FCRL2: variants seen among roughly 807,000 people sequenced by gnomAD.
The protein encoded by FCRL2 is Fc receptor-like protein 2.
A neutral mutation model predicts 59.8 loss-of-function variants in FCRL2; 48 were observed. The observed-to-expected ratio is 0.80, with a 90% CI of 0.64 to 1.02. The LOEUF is 1.02. Ranked by LOEUF, FCRL2 falls within the 50% of genes least tolerant of loss-of-function variation. The pLI, the probability that FCRL2 is intolerant of heterozygous loss-of-function variation, is 0.00. For synonymous variants in FCRL2, 251 were observed against 229.5 expected, an observed-to-expected ratio of 1.09 and a Z score of -0.85; for missense variants, 658 against 597.3, an observed-to-expected ratio of 1.10 and a Z score of -1.06.
At chr1:157,749,441 A>C (rs777724460) in intron 8 of FCRL2, among the ~76,000 whole-genome samples, 5 of 152,218 alleles carry the variant, frequency 3.3e-5, no homozygotes, top group East Asian at 3.8e-4. Context: ...AATCCTATAC[A>C]AGATAACACC....
Position 157,775,951 on chromosome 1 carries a change from C to T in FCRL2, c.32-156G>A, listed in dbSNP as rs757426871. 5.3e-5 allele frequency among the ~76,000 whole-genome samples: 8 copies of T among 152,176 alleles called. No individual in the cohort carries two copies. The South Asian group carries it at 8.3e-4, about 16-fold the overall frequency. On this transcript the variant is annotated intron_variant, in intron 1 of 11. Coordinates refer to ENST00000361516, the MANE Select transcript of FCRL2 (RefSeq NM_030764.4). The stretch of plus-strand genomic sequence containing the variant: ...TTATTACTAACAATTCAATCTCCCT[C>T]GAGCACACATCTAACTGTCATTCAT...
chr1:157,773,493 G>A (rs1436343828), intron 2 of FCRL2, among the ~76,000 whole-genome samples: 1 of 152,174 alleles, frequency 6.6e-6, no homozygotes, highest in African/African-American at 2.4e-5. Flanking sequence ...ATAAATGAAG[G>A]TGACTTGAAG....
At position 157,768,524 on chromosome 1, in the gene FCRL2, G is replaced by C; in HGVS notation, c.773C>G (p.Ala258Gly). The change falls in exon 5 of 12, where the codon GCA (alanine) becomes GGA (glycine). Residue 258 changes from alanine (A) to glycine (G), a missense_variant. Coordinates refer to ENST00000361516, the MANE Select transcript of FCRL2 (RefSeq NM_030764.4). ...TTTCACAGCTGGGATCTCCAGCTCT[G>C]CTGACAGGGAACGCTGGGTTTTCTT... ...MGKKTQRSLSAELEIPAVKES... is the reference protein window; with the variant it reads ...MGKKTQRSLSGELEIPAVKES... The C allele has an allele frequency of 6.2e-7, 1 of 1,614,208 alleles. No individual in the cohort carries two copies. Among genetic ancestry groups the C allele is most frequent in the African/African-American group, 1.3e-5 (1 of 75,052 alleles).
At position 157,767,597 on chromosome 1, in the gene FCRL2, T is replaced by C. The variant is rs867351197; in HGVS notation, c.884-88A>G. 10 of 1,614,122 alleles carry C rather than the reference T, an allele frequency of 6.2e-6. No homozygotes were observed. The African/African-American group carries it at 9.3e-5, about 15-fold the overall frequency. On this transcript the variant is annotated intron_variant, in intron 5 of 11. Transcript: ENST00000361516. ...CAACCTGCAGGCTCAGCAAAGGGCCTGGCCCCATGGCTGTTGCATATTTTC... is the reference window on the plus strand; with the variant it reads ...CAACCTGCAGGCTCAGCAAAGGGCCCGGCCCCATGGCTGTTGCATATTTTC...
chr1:157,771,101 A>G (rs1649986660), intron 2 of FCRL2, among the ~76,000 whole-genome samples: 1 of 151,934 alleles, frequency 6.6e-6, no homozygotes, highest in East Asian at 1.9e-4. Context: ...TGACCTTATT[A>G]CCTCCCAAAG....
intron 7 of FCRL2, among the ~76,000 whole-genome samples, chr1:157,751,876 G>A (rs1648215362): frequency 6.6e-6 from 1 of 151,442 alleles, no homozygotes; most frequent in Non-Finnish European, 1.5e-5. Context: ...CCCCAAAATA[G>A]GAGCTGATTT....
At chr1:157,770,337 C>G in intron 3 of FCRL2, 72 bp downstream of exon 3, 1 of 1,548,266 alleles carries the variant, frequency 6.5e-7, no homozygotes, top group Non-Finnish European at 8.8e-7. Flanking sequence ...CAGCTTTCCC[C>G]TACCCAGTAC....
At position 157,768,415 on chromosome 1, in the gene FCRL2, T is replaced by C; in HGVS notation, c.882A>G (p.Arg294=). 1 of 1,612,866 alleles carries C rather than the reference T, an allele frequency of 6.2e-7. No homozygotes were observed. The highest frequency in any genetic ancestry group is 1.1e-5 in the South Asian group (1 of 90,984). The change falls in exon 5 of 12, where the codon AGA becomes AGG. Residue 294 remains arginine, a splice_region_variant and synonymous_variant. Transcript: ENST00000361516. The stretch of plus-strand genomic sequence containing the variant: ...GATATGAATGAGAGTGTCACTCACT[T>C]CTCACAGGGATATTCACCACCTTGC... ...IQSKVVNIPV[R]IPVSRPVLTL...
rs777459755 is a variant in FCRL2, at chr1:157,748,628, G to C, written c.1394-10C>G. On this transcript the variant is annotated splice_polypyrimidine_tract_variant and intron_variant, in intron 9 of 11. Coordinates refer to ENST00000361516, the MANE Select transcript of FCRL2 (RefSeq NM_030764.4). ...ACATCTACAGAGCCCACTGCAGGGAGAAGACAAGAGTTCACAGATGTTGGT... is the reference window on the plus strand; with the variant it reads ...ACATCTACAGAGCCCACTGCAGGGACAAGACAAGAGTTCACAGATGTTGGT... 2 of 1,613,024 alleles carry C rather than the reference G, an allele frequency of 1.2e-6. No homozygotes were observed. Among genetic ancestry groups the C allele is most frequent in the Non-Finnish European group, 8.5e-7 (1 of 1,179,128 alleles).
At chr1:157,765,069 T>C (rs1229026594) in intron 7 of FCRL2, among the ~76,000 whole-genome samples, 1 of 152,122 alleles carries the variant, frequency 6.6e-6, no homozygotes, top group Non-Finnish European at 1.5e-5. Context: ...GATAAACTGC[T>C]AGCTAGACTA....
chr1:157,759,672 G>A (rs1374736234), intron 7 of FCRL2, among the ~76,000 whole-genome samples: 1 of 152,162 alleles, frequency 6.6e-6, no homozygotes, highest in African/African-American at 2.4e-5. Flanking sequence ...AGACATATAT[G>A]CAGCCAAAAA....
chr1:157,759,638 C>A (rs1014343025), intron 7 of FCRL2, among the ~76,000 whole-genome samples: 1 of 152,116 alleles, frequency 6.6e-6, no homozygotes, highest in Admixed American at 6.5e-5. Context: ...GGGCAAAGGA[C>A]ATGAACAGAC....
chr1:157,746,991 CT>C, intron 10 of FCRL2, 92 bp from the exon 11 acceptor site: 2 of 1,329,216 alleles, frequency 1.5e-6, no homozygotes, highest in Non-Finnish European at 2.1e-6. Flanking sequence ...AACTACTATG[CT>C]TAGTATGTGG....
At chr1:157,766,200 T>G (rs1490594159) in intron 7 of FCRL2, among the ~76,000 whole-genome samples, 1 of 152,194 alleles carries the variant, frequency 6.6e-6, no homozygotes, top group African/African-American at 2.4e-5. Context: ...GGCCAGGCGC[T>G]GTGGCTCACG....
intron 10 of FCRL2, among the ~76,000 whole-genome samples, chr1:157,747,239 A>G (rs751632319): frequency 7.9e-5 from 12 of 152,180 alleles, no homozygotes; most frequent in Non-Finnish European, 8.8e-5. Flanking sequence ...GAGATAACCA[A>G]TCATGTGTGG....
intron 2 of FCRL2, among the ~76,000 whole-genome samples, chr1:157,775,117 G>C (rs1650305400): frequency 6.6e-6 from 1 of 152,132 alleles, no homozygotes; most frequent in Non-Finnish European, 1.5e-5. Context: ...GCACGGGTTG[G>C]CAAATTATGG....
At chr1:157,776,026 C>T (rs938027791) in intron 1 of FCRL2, among the ~76,000 whole-genome samples, 3 of 152,082 alleles carry the variant, frequency 2.0e-5, no homozygotes, top group East Asian at 1.9e-4. Context: ...AAGGGATTGT[C>T]GAGAATACCC....
intron 2 of FCRL2, 69 bp from the exon 3 acceptor site, chr1:157,770,735 G>A: frequency 6.4e-7 from 1 of 1,558,050 alleles, no homozygotes; most frequent in Non-Finnish European, 8.8e-7. Flanking sequence ...CATTGGCAGT[G>A]AGGTGGTCTC....
chr1:157,758,218 A>G (rs1377740109), intron 7 of FCRL2, among the ~76,000 whole-genome samples: 1 of 152,206 alleles, frequency 6.6e-6, no homozygotes, highest in East Asian at 1.9e-4. Flanking sequence ...TTCACCCTTG[A>G]AAGAGCAGTG....
Sources: gnomAD v4.1 joint callset for allele counts (sites outside exome capture counted in the v4.1 genomes callset) on GRCh38, gnomAD v4.1.1 for gene constraint, MANE v1.5 for transcripts, NCBI Gene and HGNC (gene_info 2026-07-23, HGNC 2026-07-21) for gene names.